Variants in SYCP2 observed in about 807,000 individuals in gnomAD.
SYCP2 encodes synaptonemal complex protein 2.
SYCP2 carries 55 observed loss-of-function variants against 211.3 expected under a neutral mutation model. The observed-to-expected ratio is 0.26, with a 90% confidence interval of 0.21 to 0.33. The LOEUF is 0.33. SYCP2 is among the 10% of genes least tolerant of loss of function. The pLI is 1.00. For synonymous variants in SYCP2, 570 were observed against 555.2 expected, an observed-to-expected ratio of 1.03 and a Z score of -0.37; for missense variants, 1,731 against 1,752.0, an observed-to-expected ratio of 0.99 and a Z score of 0.21.
At chr20:59,928,600 A>G (rs2060676593) in intron 2 of SYCP2, among the ~76,000 whole-genome samples, 2 of 152,194 alleles carry the variant, frequency 1.3e-5, no homozygotes, top group South Asian at 4.1e-4. Context: ...AATAACTATA[A>G]ACAGTGAAGT....
At chr20:59,875,590 A>G (rs912047773) in intron 33 of SYCP2, 121 bp from the exon 34 acceptor site, 9 of 703,650 alleles carry the variant, frequency 1.3e-5, no homozygotes, top group Non-Finnish European at 1.8e-5. Context: ...AGGCATAACA[A>G]GGACCTAGAC....
In SYCP2 at chr20:59,900,148, C is replaced by A. The variant is rs1431052021; in HGVS notation, c.1394G>T (p.Ser465Ile). 2 of 1,613,072 alleles carry A rather than the reference C, an allele frequency of 1.2e-6. No individual in the cohort carries two copies. Among genetic ancestry groups the A allele is most frequent in the Non-Finnish European group, 1.7e-6 (2 of 1,179,418 alleles). The change falls in exon 18 of 45, where the codon AGT becomes ATT. Residue 465 changes from serine (S) to isoleucine (I), a missense_variant. Transcript: ENST00000357552. The stretch of plus-strand genomic sequence containing the variant: ...TGACACCATCTTTACCTCAAGCTGA[C>A]TATTATTTCTATTCCCTTTGTCACT... ...KNSDKGNRNN[S>I]QLEKTTPSKR...
At chr20:59,920,850 A>T (rs186039609) in intron 4 of SYCP2, among the ~76,000 whole-genome samples, 21 of 151,744 alleles carry the variant, frequency 1.4e-4, no homozygotes, top group African/African-American at 5.1e-4. Context: ...ATACTGGGGT[A>T]AGGGGATTAT....
In SYCP2 at chr20:59,864,228, TTC is replaced by T; in HGVS notation, c.*81_*82del. ...ACTTGCTTCGGTGACATGTATATTT[TTC>T]TCTTTGTAGGACTATTCTTATTTCC... On this transcript the variant is annotated 3_prime_UTR_variant, in exon 45 of 45. Coordinates refer to ENST00000357552, the MANE Select transcript of SYCP2 (RefSeq NM_014258.4). 3.1e-6 allele frequency: 3 copies of T among 979,108 alleles called. 1 individual carries two copies. In the South Asian group the frequency reaches 5.0e-5, roughly 16 times the overall value. The allele number at this position is 979,108 out of a possible 1,614,324, so 60.7% of individuals were successfully genotyped here.
chr20:59,915,362 A>C, intron 9 of SYCP2, 103 bp downstream of exon 9: 1 of 991,232 alleles, frequency 1.0e-6, no homozygotes, highest in East Asian at 2.4e-5. Context: ...AAAAGCTGCA[A>C]CAGTTTATCA....
intron 3 of SYCP2, 37 bp downstream of exon 3, chr20:59,922,353 G>A: frequency 1.3e-6 from 2 of 1,543,570 alleles, no homozygotes; most frequent in Non-Finnish European, 8.7e-7. Context: ...GTGATTTTCA[G>A]AATGAAAATA....
chr20:59,869,084 T>A (rs1461816799), intron 36 of SYCP2, among the ~76,000 whole-genome samples, 159 bp from the exon 37 acceptor site: 4 of 151,826 alleles, frequency 2.6e-5, no homozygotes, highest in African/African-American at 9.7e-5. Context: ...ATTTACCATG[T>A]GTTAACCTTG....
chr20:59,919,478 C>T lies in SYCP2; in HGVS notation c.402+15G>A, dbSNP rs369743908. On this transcript the variant is annotated intron_variant, in intron 6 of 44. Transcript: ENST00000357552. Reference sequence around the variant, plus strand: ...CATGCTTTATAAATATCAGTGTAATCAATGTGATTTTTACCAGCAGAAGAT... The same window carrying T: ...CATGCTTTATAAATATCAGTGTAATTAATGTGATTTTTACCAGCAGAAGAT... 1.3e-5 allele frequency: 19 copies of T among 1,482,636 alleles called. No individual in the cohort carries two copies. The African/African-American group carries it at 2.2e-4, about 17-fold the overall frequency. 91.8% of individuals were successfully genotyped at this position (1,482,636 alleles called of 1,614,324 possible).
intron 15 of SYCP2, among the ~76,000 whole-genome samples, chr20:59,905,688 A>C (rs1375014598): frequency 6.6e-6 from 1 of 152,198 alleles, no homozygotes; most frequent in Non-Finnish European, 1.5e-5. Context: ...TTTCATGTGC[A>C]TAGACAAATA....
intron 35 of SYCP2, among the ~76,000 whole-genome samples, chr20:59,872,081 T>C (rs779288353): frequency 5.9e-5 from 9 of 152,096 alleles, no homozygotes; most frequent in Non-Finnish European, 1.2e-4. Flanking sequence ...ATCTAGGGTT[T>C]AGATCTCCTA....
In SYCP2 at chr20:59,896,462, T is replaced by G; in HGVS notation, c.1471A>C (p.Thr491Pro). 1 of 1,607,518 alleles carries G rather than the reference T, an allele frequency of 6.2e-7. No homozygotes were observed. Among genetic ancestry groups the G allele is most frequent in the East Asian group, 2.2e-5 (1 of 44,706 alleles). Residue 491 changes from threonine to proline, a missense_variant, in exon 19 of 45, where the codon ACT becomes CCT. Transcript: ENST00000357552. ...CTGAAAAGCACTGGACTTCTCATAG[T>G]GTATCTATCTGCACCAGAAACAATC... The part of the protein sequence containing the change: ...SMIVSGADRY[T>P]MRSPVLFSNT...
intron 19 of SYCP2, among the ~76,000 whole-genome samples, chr20:59,895,837 T>TACTA (rs1555879534): frequency 1.3e-5 from 2 of 152,092 alleles, no homozygotes; most frequent in African/African-American, 4.8e-5. Context: ...GCCTGTCAGA[T>TACTA]ACTAAGCAAT....
At chr20:59,918,352 T>C (rs1255227933) in intron 7 of SYCP2, among the ~76,000 whole-genome samples, 1 of 152,238 alleles carries the variant, frequency 6.6e-6, no homozygotes, top group Non-Finnish European at 1.5e-5. Context: ...AATGCTATGC[T>C]GCTTTATACA....
At chr20:59,885,855 T>G (rs555325333) in intron 26 of SYCP2, 73 bp downstream of exon 26, 1 of 1,109,932 alleles carries the variant, frequency 9.0e-7, no homozygotes, top group Non-Finnish European at 1.3e-6. Context: ...TTTACCACTA[T>G]GCTATTTTAG....
intron 2 of SYCP2, among the ~76,000 whole-genome samples, chr20:59,928,703 C>T (rs147338875): frequency 7.0e-4 from 107 of 152,054 alleles, no homozygotes; most frequent in African/African-American, 2.5e-3. Flanking sequence ...CAGATGGTTT[C>T]GCAAATCGGG....
At chr20:59,928,108 T>G (rs1370986481) in intron 2 of SYCP2, among the ~76,000 whole-genome samples, 1 of 152,058 alleles carries the variant, frequency 6.6e-6, no homozygotes, top group East Asian at 1.9e-4. Context: ...ACCTAGCCAA[T>G]ATAGGACTAA....
At chr20:59,882,792 AG>A (rs963222415) in intron 26 of SYCP2, among the ~76,000 whole-genome samples, 1 of 151,996 alleles carries the variant, frequency 6.6e-6, no homozygotes, top group African/African-American at 2.4e-5. Flanking sequence ...AGGAAGGAGT[AG>A]GGGGGGAACT....
In SYCP2 at chr20:59,865,669, G is replaced by T; in HGVS notation, c.4380-18C>A. Reference sequence around the variant, plus strand: ...GATGAAGCCTAAGAAGTAAAATAATGAGTTAACCTTGTATTTATCAATAAT... The same window carrying T: ...GATGAAGCCTAAGAAGTAAAATAATTAGTTAACCTTGTATTTATCAATAAT... On this transcript the variant is annotated intron_variant, in intron 42 of 44. Transcript: ENST00000357552. The T allele has an allele frequency of 6.5e-7, 1 of 1,534,072 alleles. No homozygotes were observed. The highest frequency in any genetic ancestry group is 1.2e-5 in the South Asian group (1 of 85,154).
chr20:59,925,096 T>C (rs1366206440), intron 2 of SYCP2, among the ~76,000 whole-genome samples: 4 of 151,936 alleles, frequency 2.6e-5, no homozygotes, highest in Admixed American at 1.3e-4. Flanking sequence ...ATAAGCAAGA[T>C]TATAAAAAGC....
Sources: gnomAD v4.1 joint callset for allele counts (sites outside exome capture counted in the v4.1 genomes callset) on GRCh38, gnomAD v4.1.1 for gene constraint, MANE v1.5 for transcripts, NCBI Gene and HGNC (gene_info 2026-07-23, HGNC 2026-07-21) for gene names.